The following NAV2 variants were observed in gnomAD, a reference collection of about 807,000 sequenced individuals.
NAV2 encodes neuron navigator 2.
In NAV2, 54 loss-of-function variants were observed where a neutral mutation model predicts 223.2. The ratio of observed to expected loss-of-function variants is 0.24; its 90% CI spans 0.19 to 0.30. The LOEUF (loss-of-function observed/expected upper bound fraction) is 0.30, where lower values mean the gene tolerates loss of function less well. NAV2 is among the 10% of genes least tolerant of loss of function. NAV2 has a pLI of 1.00. For synonymous variants in NAV2, 1,279 were observed against 1,239.3 expected, an observed-to-expected ratio of 1.03 and a Z score of -0.67; for missense variants, 2,806 against 3,147.5, an observed-to-expected ratio of 0.89 and a Z score of 2.60.
intron 1 of NAV2, among the ~76,000 whole-genome samples, chr11:19,388,613 G>A (rs1009844635): frequency 5.9e-5 from 9 of 152,146 alleles, no homozygotes; most frequent in South Asian, 2.1e-4. Flanking sequence ...GTGTGATGGC[G>A]GATTTTGGTG....
chr11:20,093,300 G>C (rs1296782703), intron 29 of NAV2, 101 bp downstream of exon 29: 2 of 782,348 alleles, frequency 2.6e-6, no homozygotes, highest in Non-Finnish European at 4.5e-6. Flanking sequence ...TGGAGCCTAA[G>C]GTGATTTGGA....
At chr11:19,813,986 A>G (rs1044168200) in intron 1 of NAV2, among the ~76,000 whole-genome samples, 2 of 152,206 alleles carry the variant, frequency 1.3e-5, no homozygotes, top group Non-Finnish European at 2.9e-5. Context: ...CCCTCCAAGC[A>G]GGACTTTCAT....
In NAV2 at chr11:19,980,414, G is replaced by A. The variant is rs531090350; in HGVS notation, c.2646-3711G>A. On this transcript the variant is annotated intron_variant, in intron 10 of 37. Coordinates refer to ENST00000349880, the MANE Select transcript of NAV2 (RefSeq NM_145117.5). ...TTATCTCTCCAAGGAGAAGGAAAGT[G>A]TGGCATGGGTGTTCTGAGATTGAGT... Among the ~76,000 whole-genome samples, 60 of 152,328 alleles carry A rather than the reference G, an allele frequency of 3.9e-4. No individual in the cohort carries two copies. The South Asian group carries it at 0.012, about 31-fold the overall frequency.
At chr11:19,821,640 C>A (rs750250938) in intron 1 of NAV2, among the ~76,000 whole-genome samples, 7 of 152,116 alleles carry the variant, frequency 4.6e-5, no homozygotes, top group Non-Finnish European at 1.0e-4. Flanking sequence ...AATGGTAACT[C>A]ATGTTATATT....
At chr11:19,555,477 T>A (rs1383807878) in intron 1 of NAV2, among the ~76,000 whole-genome samples, 1 of 152,150 alleles carries the variant, frequency 6.6e-6, no homozygotes, top group East Asian at 1.9e-4. Context: ...CACCACAGCA[T>A]CCACTCCAAT....
chr11:20,055,378 C>T (rs1691648212), intron 18 of NAV2, among the ~76,000 whole-genome samples: 1 of 152,162 alleles, frequency 6.6e-6, no homozygotes, highest in South Asian at 2.1e-4. Flanking sequence ...CTCTTTGAGG[C>T]AAGAGATTCT....
intron 31 of NAV2, among the ~76,000 whole-genome samples, chr11:20,098,318 C>G (rs1284051305): frequency 6.6e-6 from 1 of 152,128 alleles, no homozygotes; most frequent in Non-Finnish European, 1.5e-5. Context: ...CATCGTTATC[C>G]CCATTTGTGT....
intron 1 of NAV2, among the ~76,000 whole-genome samples, chr11:19,818,551 A>G (rs1227521916): frequency 6.6e-6 from 1 of 152,204 alleles, no homozygotes; most frequent in Non-Finnish European, 1.5e-5. Flanking sequence ...CACTTTAAAA[A>G]TATAATTTTA....
intron 1 of NAV2, among the ~76,000 whole-genome samples, chr11:19,447,233 G>C (rs1345213187): frequency 1.3e-5 from 2 of 152,194 alleles, no homozygotes; most frequent in Admixed American, 1.3e-4. Context: ...GATTACTTGA[G>C]TCATCTCTGA....
At chr11:19,712,329 A>G (rs1206130574), upstream of NAV2, 1 of 152,248 alleles carries the variant, frequency 6.6e-6, no homozygotes, top group African/African-American at 2.4e-5. Flanking sequence ...AAAACTGGAG[A>G]GGAAGCCGTT....
At chr11:19,517,347 C>A (rs12283618) in intron 1 of NAV2, among the ~76,000 whole-genome samples, 6,265 of 152,262 alleles carry the variant, frequency 0.041, 446 homozygotes, top group African/African-American at 0.14. Flanking sequence ...AACTCTCACA[C>A]ATCCTTGAGT....
At chr11:19,819,657 A>T (rs948655851) in intron 1 of NAV2, among the ~76,000 whole-genome samples, 1 of 152,208 alleles carries the variant, frequency 6.6e-6, no homozygotes, top group African/African-American at 2.4e-5. Context: ...GGACATGGAG[A>T]TGACGGAAAT....
At chr11:19,778,256 C>T (rs1404723124) in intron 1 of NAV2, 3 of 435,050 alleles carry the variant, frequency 6.9e-6, no homozygotes, top group African/African-American at 2.1e-5. Flanking sequence ...TTTCAACTGG[C>T]GGGGACCATA....
Position 20,087,370 on chromosome 11 carries a change from G to A in NAV2, c.5499-3495G>A, listed in dbSNP as rs946476849. 1.8e-4 allele frequency among the ~76,000 whole-genome samples: 28 copies of A among 152,144 alleles called. 1 individual carries two copies. The highest frequency in any genetic ancestry group is 3.1e-4 in the African/African-American group (13 of 41,428). ...ACTGGAGATGTTTGTTTTTGGTCTC[G>A]TTTTCCAAAGGGTAGGCTGAGAGCA... is the stretch of plus-strand genomic sequence containing the variant. On this transcript the variant is annotated intron_variant, in intron 26 of 37. Transcript: ENST00000349880.
intron 11 of NAV2, chr11:20,027,717 C>T (rs1356561831): frequency 6.6e-6 from 1 of 152,326 alleles, no homozygotes; most frequent in African/African-American, 2.4e-5. Context: ...TAGAGAGGAA[C>T]TAATATATAT....
chr11:19,986,855 G>A (rs190986987), intron 11 of NAV2, among the ~76,000 whole-genome samples: 18 of 152,294 alleles, frequency 1.2e-4, no homozygotes, highest in Non-Finnish European at 2.1e-4. Flanking sequence ...CTTTGGCTAA[G>A]TTGAAATAGT....
At chr11:19,802,446 C>T (rs1482245486) in intron 1 of NAV2, among the ~76,000 whole-genome samples, 1 of 152,140 alleles carries the variant, frequency 6.6e-6, no homozygotes, top group African/African-American at 2.4e-5. Flanking sequence ...ATTGCTGAGG[C>T]CTCCCCAGCC....
intron 1 of NAV2, among the ~76,000 whole-genome samples, chr11:19,441,344 T>A (rs1851393210): frequency 6.6e-6 from 1 of 152,200 alleles, no homozygotes; most frequent in Middle Eastern, 3.4e-3. Context: ...GATATTGAAA[T>A]GTTTTAAACA....
chr11:19,646,066 T>G (rs1590029418), intron 1 of NAV2, among the ~76,000 whole-genome samples: 1 of 152,208 alleles, frequency 6.6e-6, no homozygotes, highest in African/African-American at 2.4e-5. Flanking sequence ...TTGATGAAAA[T>G]GCCTGGCACT....
Sources: allele counts gnomAD v4.1 joint callset (sites outside exome capture counted in the v4.1 genomes callset), GRCh38; gene constraint gnomAD v4.1.1; transcripts MANE v1.5; gene names NCBI Gene and HGNC (gene_info 2026-07-23, HGNC 2026-07-21).